The following NAALADL2 variants were observed in gnomAD, a reference collection of about 807,000 sequenced individuals.
NAALADL2 encodes inactive N-acetylated-alpha-linked acidic dipeptidase-like protein 2.
A neutral mutation model predicts 87.2 loss-of-function variants in NAALADL2; 76 were observed. The ratio of observed to expected loss-of-function variants is 0.87; its 90% CI spans 0.72 to 1.05. The LOEUF (loss-of-function observed/expected upper bound fraction) is 1.05, where lower values mean the gene tolerates loss of function less well. NAALADL2 is among the 50% of genes least tolerant of loss of function. NAALADL2 has a pLI of 0.00. For synonymous variants in NAALADL2, 354 were observed against 331.0 expected (o/e 1.07, Z -0.75); for missense variants, 1,089 against 945.8 (o/e 1.15, Z -1.99).
At chr3:175,764,034 G>T (rs565531651) in intron 13 of NAALADL2, among the ~76,000 whole-genome samples, 2 of 152,024 alleles carry the variant, frequency 1.3e-5, no homozygotes, top group African/African-American at 2.4e-5. Flanking sequence ...ATAGAAATAG[G>T]ACTCTTAGGA....
At chr3:175,695,054 G>A (rs1737559731) in intron 11 of NAALADL2, among the ~76,000 whole-genome samples, 1 of 149,802 alleles carries the variant, frequency 6.7e-6, no homozygotes, top group Admixed American at 6.7e-5. Context: ...CTTGAGGAGA[G>A]ATCCATATAG....
intron 5 of NAALADL2, among the ~76,000 whole-genome samples, chr3:175,327,107 A>T (rs1760803601): frequency 6.7e-6 from 1 of 149,940 alleles, no homozygotes; most frequent in Non-Finnish European, 1.5e-5. Context: ...AATAATGAAC[A>T]TTCCATACGC....
chr3:174,713,362 C>T (rs932549070), intron 2 of NAALADL2, among the ~76,000 whole-genome samples: 8 of 152,110 alleles, frequency 5.3e-5, no homozygotes, highest in African/African-American at 1.9e-4. Flanking sequence ...AGTTCTAGAT[C>T]CCTGAGGAAT....
In NAALADL2 at chr3:175,676,678, G is replaced by A. The variant is rs1219513138; in HGVS notation, c.1896+49292G>A. On this transcript the variant is annotated intron_variant, in intron 11 of 13. Coordinates refer to ENST00000454872, the MANE Select transcript of NAALADL2 (RefSeq NM_207015.3). ...CTTCTCAAATTTGATATTTCATCAA[G>A]ATTCCACTTCTTTTTGATTAGTTTC... 3 of 151,438 alleles carry A rather than the reference G, an allele frequency of 2.0e-5. 1 individual carries two copies. The highest frequency in any genetic ancestry group is 4.2e-4 in the South Asian group (2 of 4,762). 9.4% of individuals were successfully genotyped at this position (151,438 alleles called of 1,614,324 possible). A position where few individuals can be genotyped will look rare whatever the true frequency, so the allele number is the denominator to read the frequency against.
intron 1 of NAALADL2, among the ~76,000 whole-genome samples, chr3:175,018,751 C>CACTGAAGAGCCACAACACT (rs1361992777): frequency 5.3e-5 from 8 of 152,034 alleles, no homozygotes; most frequent in Non-Finnish European, 2.9e-5. Flanking sequence ...TGATTCTTCA[C>CACTGAAGAGCCACAACACT]ACTGAAGAGC....
At chr3:175,222,888 C>T (rs1483002727) in intron 2 of NAALADL2, among the ~76,000 whole-genome samples, 2 of 152,008 alleles carry the variant, frequency 1.3e-5, no homozygotes, top group Non-Finnish European at 2.9e-5. Flanking sequence ...AATCTCTTTA[C>T]TGTCTGGCTT....
chr3:174,683,114 C>T (rs1275748241), intron 2 of NAALADL2, among the ~76,000 whole-genome samples: 1 of 152,048 alleles, frequency 6.6e-6, no homozygotes, highest in Non-Finnish European at 1.5e-5. Context: ...TTGAGAAATG[C>T]AATTGACATA....
At chr3:174,792,033 ACT>A (rs1242654196) in intron 3 of NAALADL2, among the ~76,000 whole-genome samples, 4 of 152,040 alleles carry the variant, frequency 2.6e-5, no homozygotes, top group Non-Finnish European at 5.9e-5. Flanking sequence ...ACATGGTGAA[ACT>A]CTATCTCTAC....
chr3:175,126,551 A>G (rs1193674840), intron 2 of NAALADL2, among the ~76,000 whole-genome samples: 1 of 152,184 alleles, frequency 6.6e-6, no homozygotes, highest in African/African-American at 2.4e-5. Flanking sequence ...TATATATTTC[A>G]AATGAACACA....
intron 1 of NAALADL2, among the ~76,000 whole-genome samples, chr3:174,912,696 A>T (rs1458905136): frequency 6.6e-6 from 1 of 152,174 alleles, no homozygotes; most frequent in Non-Finnish European, 1.5e-5. Context: ...TTCTAGATAG[A>T]ATAAAATAAG....
chr3:175,610,438 G>A (rs1043422029), intron 10 of NAALADL2, among the ~76,000 whole-genome samples: 3 of 152,054 alleles, frequency 2.0e-5, no homozygotes, highest in Non-Finnish European at 4.4e-5. Context: ...GAGGGAGAAA[G>A]GATGAAAATA....
chr3:175,113,236 G>T (rs1312007093), intron 2 of NAALADL2, among the ~76,000 whole-genome samples: 1 of 151,514 alleles, frequency 6.6e-6, no homozygotes, highest in Non-Finnish European at 1.5e-5. Context: ...GGACGTTGCA[G>T]AGCTGGTTAC....
chr3:174,603,445 G>A (rs1055589181), intron 2 of NAALADL2, among the ~76,000 whole-genome samples: 5 of 151,860 alleles, frequency 3.3e-5, no homozygotes, highest in Non-Finnish European at 5.9e-5. Flanking sequence ...TGTGATATCA[G>A]TTGTAATATC....
chr3:174,995,631 T>C (rs904494973), intron 1 of NAALADL2, among the ~76,000 whole-genome samples: 1 of 152,168 alleles, frequency 6.6e-6, no homozygotes, highest in Admixed American at 6.5e-5. Flanking sequence ...GAATTGTTCA[T>C]AGTGCTTTTA....
chr3:175,329,576 G>C (rs907550863), intron 5 of NAALADL2, among the ~76,000 whole-genome samples: 12 of 152,156 alleles, frequency 7.9e-5, no homozygotes, highest in African/African-American at 2.7e-4. Flanking sequence ...TATGTGCCTA[G>C]TTGTCAAAGC....
chr3:174,739,619 T>G (rs889557659), intron 3 of NAALADL2, among the ~76,000 whole-genome samples: 1 of 152,114 alleles, frequency 6.6e-6, no homozygotes, highest in Non-Finnish European at 1.5e-5. Flanking sequence ...GGTTTTTCCA[T>G]GTGTTAGTAG....
chr3:175,427,779 A>G (rs1477463725), intron 5 of NAALADL2, among the ~76,000 whole-genome samples: 1 of 129,282 alleles, frequency 7.7e-6, no homozygotes, highest in African/African-American at 2.7e-5. Flanking sequence ...CTTCTCCTCT[A>G]AGGTAGGAAT....
chr3:175,260,229 C>T (rs6443299), intron 4 of NAALADL2, among the ~76,000 whole-genome samples: 1 of 151,954 alleles, frequency 6.6e-6, no homozygotes, highest in African/African-American at 2.4e-5. Context: ...ATCATTTTCC[C>T]TGATAATTTT....
intron 10 of NAALADL2, among the ~76,000 whole-genome samples, chr3:175,607,313 G>A (rs1301265691): frequency 6.6e-6 from 1 of 152,076 alleles, no homozygotes; most frequent in Non-Finnish European, 1.5e-5. Context: ...TTTCTCAGAT[G>A]TTTTCTAAGT....
Sources: gnomAD v4.1 joint callset for allele counts (sites outside exome capture counted in the v4.1 genomes callset) on GRCh38, gnomAD v4.1.1 for gene constraint, MANE v1.5 for transcripts, NCBI Gene and HGNC (gene_info 2026-07-23, HGNC 2026-07-21) for gene names.